EAF2: variants seen among roughly 807,000 people sequenced by gnomAD.
EAF2 encodes the protein ELL associated factor 2, also known as ELL-associated factor 2.
In EAF2, 29 loss-of-function variants were observed where a neutral mutation model predicts 29.4. The ratio of observed to expected loss-of-function variants is 0.99; its 90% confidence interval spans 0.73 to 1.35. EAF2 has a LOEUF of 1.35. Ranked by LOEUF, EAF2 falls within the 40% of genes most tolerant of loss-of-function variation. EAF2 has a pLI of 0.00. For missense variants in EAF2, 292 were observed against 312.0 expected, an observed-to-expected ratio of 0.94 and a Z score of 0.48; for synonymous variants, 103 against 102.5, an observed-to-expected ratio of 1.00 and a Z score of -0.03.
chr3:121,839,783 A>G (rs994868976), intron 1 of EAF2, among the ~76,000 whole-genome samples: 6 of 152,250 alleles, frequency 3.9e-5, no homozygotes, highest in African/African-American at 1.4e-4. Flanking sequence ...ATGAACTACA[A>G]GATCTCTTCT....
intron 4 of EAF2, among the ~76,000 whole-genome samples, chr3:121,859,019 A>G (rs1302481163): frequency 6.6e-6 from 1 of 152,060 alleles, no homozygotes; most frequent in South Asian, 2.1e-4. Context: ...GTTATGTTCC[A>G]TTGGTCTATA....
chr3:121,856,939 G>A (rs1268539172), intron 3 of EAF2, 72 bp from the exon 4 acceptor site: 1 of 1,358,766 alleles, frequency 7.4e-7, no homozygotes, highest in Non-Finnish European at 1.0e-6. Flanking sequence ...GTCAGTTTTA[G>A]TAACTTTGTA....
chr3:121,875,236 A>G (rs966505104), intron 5 of EAF2, among the ~76,000 whole-genome samples: 1 of 151,850 alleles, frequency 6.6e-6, no homozygotes, highest in Non-Finnish European at 1.5e-5. Context: ...ATAAATAATA[A>G]AAGGAGACTG....
intron 5 of EAF2, among the ~76,000 whole-genome samples, chr3:121,884,814 A>G (rs1399893657): frequency 1.3e-5 from 2 of 152,146 alleles, no homozygotes; most frequent in Non-Finnish European, 1.5e-5. Context: ...TGGCCTAAAA[A>G]CTATTCTTCT....
intron 5 of EAF2, among the ~76,000 whole-genome samples, chr3:121,873,771 C>T (rs563431037): frequency 3.3e-5 from 5 of 151,826 alleles, no homozygotes; most frequent in South Asian, 4.1e-4. Flanking sequence ...TACATGCTGT[C>T]CATTCAGCCA....
chr3:121,837,259 G>C (rs903304729), intron 1 of EAF2, among the ~76,000 whole-genome samples: 2 of 152,136 alleles, frequency 1.3e-5, no homozygotes, highest in African/African-American at 4.8e-5. Flanking sequence ...CTTGAGGACA[G>C]GTTCATTTCC....
At chr3:121,865,800 C>T (rs1027189374) in intron 4 of EAF2, among the ~76,000 whole-genome samples, 3 of 152,184 alleles carry the variant, frequency 2.0e-5, no homozygotes, top group African/African-American at 7.2e-5. Flanking sequence ...AAAGTGTTCT[C>T]CTTGCATGCC....
Position 121,857,215 on chromosome 3 carries a change from C to T in EAF2, c.484+59C>T, listed in dbSNP as rs983276116. 4.1e-6 allele frequency: 6 copies of T among 1,473,564 alleles called. No homozygotes were observed. The African/African-American group carries it at 5.6e-5, about 14-fold the overall frequency. The allele number at this position is 1,473,564 out of a possible 1,614,324, so 91.3% of individuals were successfully genotyped here. ...AGAGATAATTAAGAAATGTTAAGGC[C>T]AGGCATGGTGGCTCACACCTGTAAT... On this transcript the variant is annotated intron_variant, in intron 4 of 5. Transcript: ENST00000273668.
intron 5 of EAF2, among the ~76,000 whole-genome samples, chr3:121,880,896 T>C (rs985735767): frequency 1.3e-5 from 2 of 152,188 alleles, no homozygotes; most frequent in African/African-American, 2.4e-5. Flanking sequence ...CGAGGTACAC[T>C]CCTTCTAGAC....
At chr3:121,869,350 A>G (rs1435524353) in intron 4 of EAF2, among the ~76,000 whole-genome samples, 1 of 152,242 alleles carries the variant, frequency 6.6e-6, no homozygotes, top group Non-Finnish European at 1.5e-5. Flanking sequence ...GCAAAAAGAG[A>G]CAAATAATGA....
chr3:121,881,835 T>G (rs970498125), intron 5 of EAF2, among the ~76,000 whole-genome samples: 2 of 152,082 alleles, frequency 1.3e-5, no homozygotes, highest in Non-Finnish European at 2.9e-5. Flanking sequence ...ATTAAAAAAT[T>G]TATTCCAGTA....
intron 1 of EAF2, among the ~76,000 whole-genome samples, chr3:121,843,982 A>G (rs1208589399): frequency 2.0e-5 from 3 of 152,176 alleles, no homozygotes; most frequent in African/African-American, 7.2e-5. Context: ...GACAAGTGGT[A>G]GTAGGCACCA....
chr3:121,840,700 G>A (rs984131889), intron 1 of EAF2, among the ~76,000 whole-genome samples: 40 of 149,182 alleles, frequency 2.7e-4, no homozygotes, highest in African/African-American at 9.9e-4. Context: ...CCAGCCATTC[G>A]GGAGGCTGAG....
At chr3:121,841,205 A>G (rs961762699) in intron 1 of EAF2, among the ~76,000 whole-genome samples, 4 of 152,280 alleles carry the variant, frequency 2.6e-5, no homozygotes, top group African/African-American at 7.2e-5. Context: ...GATAGTTACA[A>G]TTAGAAAGTT....
At chr3:121,883,173 A>G (rs1709220232) in intron 5 of EAF2, among the ~76,000 whole-genome samples, 1 of 152,200 alleles carries the variant, frequency 6.6e-6, no homozygotes, top group Non-Finnish European at 1.5e-5. Context: ...AAGAAAAACA[A>G]AACAACATTC....
At chr3:121,845,339 C>T (rs939642874) in intron 2 of EAF2, among the ~76,000 whole-genome samples, 1 of 144,462 alleles carries the variant, frequency 6.9e-6, no homozygotes, top group Non-Finnish European at 1.5e-5. Context: ...TTGGGAGGTT[C>T]AGGCAGGAGA....
At chr3:121,841,504 C>CAAAA (rs57868658) in intron 1 of EAF2, among the ~76,000 whole-genome samples, 19 of 25,982 alleles carry the variant, frequency 7.3e-4, no homozygotes, top group Non-Finnish European at 1.1e-3. Flanking sequence ...GACCCTGTCT[C>CAAAA]AAAAAAAAAA....
intron 3 of EAF2, among the ~76,000 whole-genome samples, chr3:121,856,319 C>CTTT (rs202213987): frequency 0.094 from 12,843 of 136,124 alleles, 599 homozygotes; most frequent in South Asian, 0.14. Context: ...TAAGCAATGG[C>CTTT]TTTTTTTTTT....
At chr3:121,876,836 A>G (rs1211170585) in intron 5 of EAF2, among the ~76,000 whole-genome samples, 1 of 151,956 alleles carries the variant, frequency 6.6e-6, no homozygotes, top group African/African-American at 2.4e-5. Context: ...AAAGAAAGTG[A>G]TTGATCAACC....
Sources: gnomAD v4.1 joint callset for allele counts (sites outside exome capture counted in the v4.1 genomes callset) on GRCh38, gnomAD v4.1.1 for gene constraint, MANE v1.5 for transcripts, NCBI Gene and HGNC (gene_info 2026-07-23, HGNC 2026-07-21) for gene names.